PRAP1: variants seen among roughly 807,000 people sequenced by gnomAD.
PRAP1 encodes the protein proline-rich acidic protein 1.
PRAP1 carries 12 observed loss-of-function variants against 14.6 expected under a neutral mutation model. That is an observed-to-expected ratio of 0.82 (90% CI 0.53 to 1.33). The LOEUF (loss-of-function observed/expected upper bound fraction) is 1.33, where lower values mean the gene tolerates loss of function less well. Among genes scored for constraint, PRAP1 ranks in the 40% most tolerant of loss-of-function variants. PRAP1 has a pLI of 0.00. For synonymous variants in PRAP1, 81 were observed against 80.3 expected (o/e 1.01, Z -0.04); for missense variants, 160 against 193.7 (o/e 0.83, Z 1.03).
In PRAP1 at chr10:133,352,064, G is replaced by A. The variant is rs371635577; in HGVS notation, c.186G>A (p.Leu62=). The change falls in exon 4 of 5, where the codon CTG becomes CTA. Residue 62 remains leucine (L), a synonymous_variant. Coordinates refer to ENST00000433452, the MANE Select transcript of PRAP1 (RefSeq NM_145202.5). Reference sequence around the variant, plus strand: ...AGAAGGACGACCAGCTGGTGGTGCTGTTCCCTGTCCAGAAGCCGAAACTCT... The same window carrying A: ...AGAAGGACGACCAGCTGGTGGTGCTATTCCCTGTCCAGAAGCCGAAACTCT... ...PPEKDDQLVV[L]FPVQKPKLLT... The A allele has an allele frequency of 5.1e-5, 83 of 1,612,946 alleles. No individual in the cohort carries two copies. The highest frequency in any genetic ancestry group is 6.9e-5 in the Non-Finnish European group (82 of 1,180,004).
Position 133,351,502 on chromosome 10 carries a change from T to G in PRAP1, c.128+69T>G. 1 of 1,274,476 alleles carries G rather than the reference T, an allele frequency of 7.8e-7. No individual in the cohort carries two copies. The allele number at this position is 1,274,476 out of a possible 1,614,324, so 78.9% of individuals were successfully genotyped here. On this transcript the variant is annotated intron_variant, in intron 3 of 4. Transcript: ENST00000433452. The surrounding 1 kb of genome is among the most constrained non-coding windows in gnomAD (Gnocchi z 4.3). ...GCTACAGCCCGTTCTGCTGGGCCCT[T>G]CCTGAACCTGGAGAGCACGGGGCAG...
chr10:133,351,898 G>A lies in PRAP1; in HGVS notation c.129-109G>A. On this transcript the variant is annotated intron_variant, in intron 3 of 4. Coordinates refer to ENST00000433452, the MANE Select transcript of PRAP1 (RefSeq NM_145202.5). This position sits in a 1 kb window ranked among gnomAD's most constrained non-coding sequence, Gnocchi z 4.3. ...TGAGAGAGAGGCTTGTCCTGGGGCT[G>A]CTGGTGGTGGGGCTGGAGTGGCTGC... 3 of 1,404,068 alleles carry A rather than the reference G, an allele frequency of 2.1e-6. No individual in the cohort carries two copies. The highest frequency in any genetic ancestry group is 9.6e-7 in the Non-Finnish European group (1 of 1,037,268). The allele number at this position is 1,404,068 out of a possible 1,614,324, so 87.0% of individuals were successfully genotyped here. A position where few individuals can be genotyped will look rare whatever the true frequency, so the allele number is the denominator to read the frequency against.
Position 133,349,682 on chromosome 10 carries a change from C to T in PRAP1, c.9-413C>T, listed in dbSNP as rs928802946. 7.2e-5 allele frequency among the ~76,000 whole-genome samples: 11 copies of T among 152,368 alleles called. No homozygotes were observed. In the South Asian group the frequency reaches 1.0e-3, roughly 14 times the overall value. ...GCGTGCAGCCTCAGGGCTCTGTGGGCGTGGGGCTGTGGGCCCTCGCTGCTC... is the reference window on the plus strand; with the variant it reads ...GCGTGCAGCCTCAGGGCTCTGTGGGTGTGGGGCTGTGGGCCCTCGCTGCTC... On this transcript the variant is annotated intron_variant, in intron 1 of 4. Coordinates refer to ENST00000433452, the MANE Select transcript of PRAP1 (RefSeq NM_145202.5).
At chr10:133,348,891 C>T (rs1051098136) in intron 1 of PRAP1, among the ~76,000 whole-genome samples, 2 of 151,742 alleles carry the variant, frequency 1.3e-5, no homozygotes, top group Non-Finnish European at 2.9e-5. Context: ...AAACTCCTGA[C>T]CTCAGGTGAT....
chr10:133,350,138 G>A lies in PRAP1; in HGVS notation c.52G>A (p.Ala18Thr). The change falls in exon 2 of 5, where the codon GCA (alanine) becomes ACA (threonine). Residue 18 changes from alanine (A) to threonine (T), a missense_variant. Physicochemically the swap from Ala to Thr is moderately conservative, Grantham distance 58. Coordinates refer to ENST00000433452, the MANE Select transcript of PRAP1 (RefSeq NM_145202.5). ...CCTGGTGGTTGTGCTGCTGTGGGAGGCAGGTGCAGTCCCAGCACCCAAGGT... is the reference window on the plus strand; with the variant it reads ...CCTGGTGGTTGTGCTGCTGTGGGAGACAGGTGCAGTCCCAGCACCCAAGGT... ...TSLVVVLLWE[A>T]GAVPAPKVPI... 6.2e-7 allele frequency: 1 copy of A among 1,613,508 alleles called. No individual in the cohort carries two copies. The highest frequency in any genetic ancestry group is 8.5e-7 in the Non-Finnish European group (1 of 1,179,824).
At position 133,351,713 on chromosome 10, in the gene PRAP1, G is replaced by A. The variant is rs1463387264; in HGVS notation, c.128+280G>A. ...AGCTTGTGCTCCACGGCTGGTGGCT[G>A]TAGCTGGGGCGGCTCAGTCTTGGAT... On this transcript the variant is annotated intron_variant, in intron 3 of 4. Coordinates refer to ENST00000433452, the MANE Select transcript of PRAP1 (RefSeq NM_145202.5). This position sits in a 1 kb window ranked among gnomAD's most constrained non-coding sequence, Gnocchi z 4.3. 1.3e-5 allele frequency among the ~76,000 whole-genome samples: 2 copies of A among 152,226 alleles called. No homozygotes were observed. Among genetic ancestry groups the A allele is most frequent in the African/African-American group, 2.4e-5 (1 of 41,450 alleles).
intron 1 of PRAP1, 45 bp from the exon 2 acceptor site, chr10:133,350,050 G>GCTGCCTGGAGTTCAGGGCA (rs1848653499): frequency 6.3e-7 from 1 of 1,578,552 alleles, no homozygotes; most frequent in African/African-American, 1.3e-5. Context: ...AGTTCAGGGC[G>GCTGCCTGGAGTTCAGGGCA]TCCCCTTCCC....
rs1848605152 is a variant in PRAP1, at chr10:133,347,503, G to A, written c.8+78G>A. ...CTGGCCCTTAGCCAGAGGGGGCCCAGCTGTGCTGCGCTCCAGGGGGCCTGG... is the reference window on the plus strand; with the variant it reads ...CTGGCCCTTAGCCAGAGGGGGCCCAACTGTGCTGCGCTCCAGGGGGCCTGG... On this transcript the variant is annotated intron_variant, in intron 1 of 4. Transcript: ENST00000433452. This position sits in a 1 kb window ranked among gnomAD's most constrained non-coding sequence, Gnocchi z 5.0. 1 of 1,384,934 alleles carries A rather than the reference G, an allele frequency of 7.2e-7. No homozygotes were observed. Among genetic ancestry groups the A allele is most frequent in the Non-Finnish European group, 9.9e-7 (1 of 1,007,718 alleles). 85.8% of individuals were successfully genotyped at this position (1,384,934 alleles called of 1,614,324 possible).
At chr10:133,348,514 T>TA (rs1361950282) in intron 1 of PRAP1, among the ~76,000 whole-genome samples, 2 of 147,256 alleles carry the variant, frequency 1.4e-5, no homozygotes, top group African/African-American at 2.6e-5. Context: ...TAAGTTTTGT[T>TA]TTTTTTTTTT....
In PRAP1 at chr10:133,352,082, G is replaced by A. The variant is rs113047876; in HGVS notation, c.204G>A (p.Pro68=). 2.0e-5 allele frequency: 32 copies of A among 1,612,946 alleles called. 2 individuals carry two copies. The African/African-American group carries it at 3.1e-4, about 15-fold the overall frequency. ...TGGTGCTGTTCCCTGTCCAGAAGCC[G>A]AAACTCTTGACCACCGAGGAGAAGC... ...QLVVLFPVQK[P]KLLTTEEKPR... is the part of the protein sequence containing the mutation. Residue 68 remains proline, a synonymous_variant, in exon 4 of 5, where the codon CCG becomes CCA. Coordinates refer to ENST00000433452, the MANE Select transcript of PRAP1 (RefSeq NM_145202.5).
At position 133,351,912 on chromosome 10, in the gene PRAP1, T is replaced by C; in HGVS notation, c.129-95T>C. On this transcript the variant is annotated intron_variant, in intron 3 of 4. Transcript: ENST00000433452. This position sits in a 1 kb window ranked among gnomAD's most constrained non-coding sequence, Gnocchi z 4.3. Reference sequence around the variant, plus strand: ...GTCCTGGGGCTGCTGGTGGTGGGGCTGGAGTGGCTGCCCTGGGATGGTGGG... The same window carrying C: ...GTCCTGGGGCTGCTGGTGGTGGGGCCGGAGTGGCTGCCCTGGGATGGTGGG... 1.3e-6 allele frequency: 2 copies of C among 1,492,814 alleles called. No homozygotes were observed. Among genetic ancestry groups the C allele is most frequent in the African/African-American group, 2.8e-5 (2 of 72,222 alleles). 92.5% of individuals were successfully genotyped at this position (1,492,814 alleles called of 1,614,324 possible). A position where few individuals can be genotyped will look rare whatever the true frequency, so the allele number is the denominator to read the frequency against.
At position 133,351,451 on chromosome 10, in the gene PRAP1, C is replaced by T; in HGVS notation, c.128+18C>T. The T allele has an allele frequency of 6.3e-7, 1 of 1,575,046 alleles. No homozygotes were observed. The highest frequency in any genetic ancestry group is 2.3e-5 in the East Asian group (1 of 43,966). ...CCAGAGAAGTAAGTCCCCCCAACCC[C>T]ACCTCCCCACCACCCATTCCCTGAA... On this transcript the variant is annotated intron_variant, in intron 3 of 4. Coordinates refer to ENST00000433452, the MANE Select transcript of PRAP1 (RefSeq NM_145202.5). This position sits in a 1 kb window ranked among gnomAD's most constrained non-coding sequence, Gnocchi z 4.3.
intron 2 of PRAP1, chr10:133,350,489 G>A (rs1027926960): frequency 2.0e-5 from 6 of 298,190 alleles, no homozygotes; most frequent in Non-Finnish European, 3.8e-5. Context: ...AGGTGGGCCC[G>A]GATGACACCC....
Position 133,347,926 on chromosome 10 carries a change from C to T in PRAP1, c.8+501C>T, listed in dbSNP as rs758439148. 1.2e-4 allele frequency among the ~76,000 whole-genome samples: 19 copies of T among 152,156 alleles called. No individual in the cohort carries two copies. In the South Asian group the frequency reaches 1.9e-3, roughly 15 times the overall value. Reference sequence around the variant, plus strand: ...TCCTTGTGTGGGGGACCCCTCTCCCCGCTCCTGTGGAGGTGCCCTCCTCCT... The same window carrying T: ...TCCTTGTGTGGGGGACCCCTCTCCCTGCTCCTGTGGAGGTGCCCTCCTCCT... On this transcript the variant is annotated intron_variant, in intron 1 of 4. Coordinates refer to ENST00000433452, the MANE Select transcript of PRAP1 (RefSeq NM_145202.5). The surrounding 1 kb of genome is among the most constrained non-coding windows in gnomAD (Gnocchi z 5.0).
chr10:133,348,908 A>AC (rs1848628944), intron 1 of PRAP1, among the ~76,000 whole-genome samples: 2 of 151,058 alleles, frequency 1.3e-5, no homozygotes, highest in African/African-American at 4.9e-5. Context: ...TGATCTGCCC[A>AC]CCTCAGCCTC....
chr10:133,348,142 C>G (rs1029848181), intron 1 of PRAP1, among the ~76,000 whole-genome samples: 1 of 152,188 alleles, frequency 6.6e-6, no homozygotes, highest in Non-Finnish European at 1.5e-5. Flanking sequence ...TAGGGGCTAC[C>G]GTGACCCGAA....
In PRAP1 at chr10:133,351,889, C is replaced by T. The variant is rs1271176605; in HGVS notation, c.129-118C>T. On this transcript the variant is annotated intron_variant, in intron 3 of 4. Coordinates refer to ENST00000433452, the MANE Select transcript of PRAP1 (RefSeq NM_145202.5). This position sits in a 1 kb window ranked among gnomAD's most constrained non-coding sequence, Gnocchi z 4.3. ...ACTGGCTCTTGAGAGAGAGGCTTGT[C>T]CTGGGGCTGCTGGTGGTGGGGCTGG... 4 of 1,352,160 alleles carry T rather than the reference C, an allele frequency of 3.0e-6. No homozygotes were observed. The South Asian group carries it at 4.1e-5, about 14-fold the overall frequency. The allele number at this position is 1,352,160 out of a possible 1,614,324, so 83.8% of individuals were successfully genotyped here.
rs137976788 is a variant in PRAP1, at chr10:133,350,125, G to A, written c.39G>A (p.Val13=). The stretch of plus-strand genomic sequence containing the variant: ...TCCTGGTCACCAGCCTGGTGGTTGT[G>A]CTGCTGTGGGAGGCAGGTGCAGTCC... ...RLLLVTSLVV[V]LLWEAGAVPA... Residue 13 remains valine, a synonymous_variant, in exon 2 of 5, where the codon GTG becomes GTA. Coordinates refer to ENST00000433452, the MANE Select transcript of PRAP1 (RefSeq NM_145202.5). 3.8e-4 allele frequency: 611 copies of A among 1,613,520 alleles called. 3 individuals are homozygous for A. In the African/African-American group the frequency reaches 7.1e-3, roughly 19 times the overall value.
Position 133,352,399 on chromosome 10 carries a change from G to A in PRAP1, c.415G>A (p.Gly139Arg), listed in dbSNP as rs1335560874. ...GATGCCAAATCACCAGGTGCTCCTGGGACCGGAGGAAGACCAAGACCACAT... is the reference window on the plus strand; with the variant it reads ...GATGCCAAATCACCAGGTGCTCCTGAGACCGGAGGAAGACCAAGACCACAT... ...WVMPNHQVLL[G>R]PEEDQDHIYH... Residue 139 changes from glycine to arginine, a missense_variant, in exon 5 of 5, where the codon GGA becomes AGA. Transcript: ENST00000433452. 6.2e-7 allele frequency: 1 copy of A among 1,612,944 alleles called. No individual in the cohort carries two copies. Among genetic ancestry groups the A allele is most frequent in the Non-Finnish European group, 8.5e-7 (1 of 1,179,948 alleles).
Sources: gnomAD v4.1 joint callset for allele counts (sites outside exome capture counted in the v4.1 genomes callset) on GRCh38, gnomAD v4.1.1 for gene constraint, Gnocchi (gnomAD v3.1) non-coding constraint, MANE v1.5 for transcripts, NCBI Gene and HGNC (gene_info 2026-07-23, HGNC 2026-07-21) for gene names.